Variants in POLRMT observed in about 807,000 individuals in gnomAD.
POLRMT encodes the protein RNA polymerase mitochondrial, also known as DNA-directed RNA polymerase, mitochondrial.
Under a neutral mutation model 132.2 loss-of-function variants are expected in POLRMT, and 114 were observed. The observed-to-expected ratio is 0.86, with a 90% CI of 0.74 to 1.01. The LOEUF (loss-of-function observed/expected upper bound fraction) is 1.01. POLRMT is among the 50% of genes least tolerant of loss of function. POLRMT has a pLI of 0.00. For synonymous variants in POLRMT, 1,020 were observed against 773.4 expected (o/e 1.32, Z -5.29); for missense variants, 2,003 against 1,729.1 (o/e 1.16, Z -2.81).
chr19:618,864 C>A, intron 15 of POLRMT, 104 bp from the exon 16 acceptor site: 1 of 1,414,812 alleles, frequency 7.1e-7, no homozygotes, highest in South Asian at 1.2e-5. Context: ...GATGGTGGCA[C>A]ACTGGCGCGG....
At position 621,148 on chromosome 19, in the gene POLRMT, C is replaced by T. The variant is rs143192895; in HGVS notation, c.2550G>A (p.Gly850=). Reference sequence around the variant, plus strand: ...TCCGCAGCGGCTCCCGCTTCTTCAACCCCGTGAGATTGACCAGGTGGATCT... The same window carrying T: ...TCCGCAGCGGCTCCCGCTTCTTCAATCCCGTGAGATTGACCAGGTGGATCT... ...WLKIHLVNLT[G]LKKREPLRKR... is the part of the protein sequence containing the mutation. The change falls in exon 10 of 21, where the codon GGG becomes GGA. Residue 850 remains glycine (G), a synonymous_variant. Coordinates refer to ENST00000588649, the MANE Select transcript of POLRMT (RefSeq NM_005035.4). 4,909 of 1,611,056 alleles carry T rather than the reference C, an allele frequency of 3.0e-3. 16 individuals carry two copies. The highest frequency in any genetic ancestry group is 6.2e-3 in the Middle Eastern group (37 of 6,010).
rs769401222 is a variant in POLRMT at position 630,027 on chromosome 19, T to C, written c.335A>G (p.Lys112Arg). 3.7e-6 allele frequency: 6 copies of C among 1,613,768 alleles called. No individual in the cohort carries two copies. Among genetic ancestry groups the C allele is most frequent in the East Asian group, 2.2e-5 (1 of 44,894 alleles). The change falls in exon 3 of 21, where the codon AAG (lysine) becomes AGG (arginine). Residue 112 changes from lysine to arginine, a missense_variant. Coordinates refer to ENST00000588649, the MANE Select transcript of POLRMT (RefSeq NM_005035.4). The part of the protein sequence containing the change: ...QPPRKVQMGA[K>R]DATPVPCGRW... ...GCCACAGGGCACCGGGGTGGCATCC[T>C]TGGCCCCCATCTGGACCTTCCTGGG...
In POLRMT at chr19:617,554, TCAGG is replaced by T; in HGVS notation, c.3581+12_3581+15del. 1 of 1,610,838 alleles carries T rather than the reference TCAGG, an allele frequency of 6.2e-7. No individual in the cohort carries two copies. The highest frequency in any genetic ancestry group is 8.5e-7 in the Non-Finnish European group (1 of 1,179,748). ...GGGGGGGGAATCCAGGTAGTTGGGGTCAGGGAGCGCCTTACTCAGAGCAGAACCG... is the reference window on the plus strand; with the variant it reads ...GGGGGGGGAATCCAGGTAGTTGGGGTGAGCGCCTTACTCAGAGCAGAACCG... On this transcript the variant is annotated intron_variant, in intron 19 of 20. Coordinates refer to ENST00000588649, the MANE Select transcript of POLRMT (RefSeq NM_005035.4).
chr19:622,850 C>T lies in POLRMT; in HGVS notation c.1426G>A (p.Glu476Lys). ...SLYPFLCLLDEREVVRMLLQV... is the reference protein window; with the variant it reads ...SLYPFLCLLDKREVVRMLLQV... ...AGGAGCATCCGCACCACCTCGCGCTCGTCCAGCAGGCACAGGAAGGGGTAA... is the reference window on the plus strand; with the variant it reads ...AGGAGCATCCGCACCACCTCGCGCTTGTCCAGCAGGCACAGGAAGGGGTAA... The change falls in exon 7 of 21, where the codon GAG (glutamate) becomes AAG (lysine). Residue 476 changes from glutamate to lysine, a missense_variant. Glu to Lys is a moderately conservative substitution (Grantham distance 56). Coordinates refer to ENST00000588649, the MANE Select transcript of POLRMT (RefSeq NM_005035.4). 6.2e-7 allele frequency: 1 copy of T among 1,603,070 alleles called. No homozygotes were observed. The highest frequency in any genetic ancestry group is 8.5e-7 in the Non-Finnish European group (1 of 1,174,938).
At position 619,219 on chromosome 19, in the gene POLRMT, C is replaced by G. The variant is rs1984291503; in HGVS notation, c.3144G>C (p.Arg1048=). 6.2e-7 allele frequency: 1 copy of G among 1,610,986 alleles called. No homozygotes were observed. Among genetic ancestry groups the G allele is most frequent in the Non-Finnish European group, 8.5e-7 (1 of 1,179,540 alleles). The change falls in exon 14 of 21, where the codon CGG becomes CGC. Residue 1048 remains arginine, a synonymous_variant. Coordinates refer to ENST00000588649, the MANE Select transcript of POLRMT (RefSeq NM_005035.4). ...ACAGGACAGGACGTACCTGGATGGCCCGGGTCCCCGAGAACATCTCCTGTA... is the reference window on the plus strand; with the variant it reads ...ACAGGACAGGACGTACCTGGATGGCGCGGGTCCCCGAGAACATCTCCTGTA... ...KSLQEMFSGT[R]AIQHWLTESA...
At position 621,515 on chromosome 19, in the gene POLRMT, T is replaced by G. The variant is rs912033372; in HGVS notation, c.2183A>C (p.Gln728Pro). ...GGAGGGCGGGGCCGGCACGCCTAGC[T>G]GGGGGCAGCCCTTGGCCTGGAAGAG... ...LQLFQAKGCPQLGVPAPPSEA... is the reference protein window; with the variant it reads ...LQLFQAKGCPPLGVPAPPSEA... Residue 728 changes from glutamine (Q) to proline (P), a missense_variant, in exon 10 of 21, where the codon CAG (glutamine) becomes CCG (proline). Gln to Pro is a moderately conservative substitution (Grantham distance 76). Coordinates refer to ENST00000588649, the MANE Select transcript of POLRMT (RefSeq NM_005035.4). The G allele has an allele frequency of 1.4e-6, 2 of 1,386,006 alleles. No homozygotes were observed. The highest frequency in any genetic ancestry group is 3.1e-5 in the African/African-American group (2 of 65,136). 85.9% of individuals were successfully genotyped at this position (1,386,006 alleles called of 1,614,324 possible).
rs776393262 is a variant in POLRMT, at chr19:618,793, C to A, written c.3268-33G>T. The A allele has an allele frequency of 3.7e-4, 587 of 1,567,606 alleles. 4 individuals are homozygous for A. Among genetic ancestry groups the A allele is most frequent in the Non-Finnish European group, 1.2e-4 (143 of 1,156,670 alleles). On this transcript the variant is annotated intron_variant, in intron 15 of 20. Coordinates refer to ENST00000588649, the MANE Select transcript of POLRMT (RefSeq NM_005035.4). ...GGGGAAGGGGCCGGTGAGTCCCACCCGAGGCCCAGCACGGTGGTGGTACAT... is the reference window on the plus strand; with the variant it reads ...GGGGAAGGGGCCGGTGAGTCCCACCAGAGGCCCAGCACGGTGGTGGTACAT...
intron 11 of POLRMT, 38 bp from the exon 12 acceptor site, chr19:620,118 G>A (rs1984397375): frequency 3.3e-6 from 5 of 1,533,574 alleles, no homozygotes; most frequent in Admixed American, 3.9e-5. Context: ...GGAAGCTAGA[G>A]AGGCAGAGAC....
intron 3 of POLRMT, among the ~76,000 whole-genome samples, chr19:626,708 A>AAAAAAAAG (rs1985042373): frequency 6.7e-6 from 1 of 149,136 alleles, no homozygotes; most frequent in African/African-American, 2.5e-5. Context: ...AAAAAAAAAA[A>AAAAAAAAG]AAATTAGCTG....
chr19:630,863 G>A (rs747592031), intron 2 of POLRMT, among the ~76,000 whole-genome samples: 1 of 152,176 alleles, frequency 6.6e-6, no homozygotes. Flanking sequence ...AGCCTTGTTG[G>A]AAATCTATTG....
intron 11 of POLRMT, 65 bp from the exon 12 acceptor site, chr19:620,145 C>A (rs912438022): frequency 1.3e-6 from 2 of 1,524,736 alleles, no homozygotes; most frequent in Non-Finnish European, 1.8e-6. Context: ...GACCCCAAAC[C>A]ACCCCCCAGG....
At chr19:623,413 C>T in intron 6 of POLRMT, 41 bp downstream of exon 6, 1 of 1,598,864 alleles carries the variant, frequency 6.3e-7, no homozygotes, top group African/African-American at 1.3e-5. Context: ...GACCCCGGCT[C>T]AGCCCCTGCG....
chr19:624,806 C>T lies in POLRMT; in HGVS notation c.1053G>A (p.Val351=), dbSNP rs751207676. The T allele has an allele frequency of 6.2e-7, 1 of 1,613,486 alleles. No individual in the cohort carries two copies. Among genetic ancestry groups the T allele is most frequent in the East Asian group, 2.2e-5 (1 of 44,892 alleles). ...EEDRATVLKA[V]HKVKPTFSLP... is the part of the protein sequence containing the mutation. ...GGCTGAAGGTGGGCTTCACCTTGTG[C>T]ACGGCCTTCAGAACAGTGGCCCGAT... The change falls in exon 5 of 21, where the codon GTG becomes GTA. Residue 351 remains valine, a synonymous_variant. Transcript: ENST00000588649.
chr19:628,057 CG>C (rs1162958375), intron 3 of POLRMT, among the ~76,000 whole-genome samples: 1 of 151,980 alleles, frequency 6.6e-6, no homozygotes. Context: ...CCCAGCTGCT[CG>C]GGAGGCTGAG....
In POLRMT at chr19:619,955, T is replaced by C. The variant is rs1984374877; in HGVS notation, c.2886+3A>G. 6.2e-7 allele frequency: 1 copy of C among 1,602,046 alleles called. No individual in the cohort carries two copies. Among genetic ancestry groups the C allele is most frequent in the Admixed American group, 1.7e-5 (1 of 59,560 alleles). On this transcript the variant is annotated splice_donor_region_variant and intron_variant, in intron 12 of 20. Transcript: ENST00000588649. The stretch of plus-strand genomic sequence containing the variant: ...TGCCCCCGGGCAGCAGGGCACACCC[T>C]ACCTGCGCGGCCACGCCGCTGTACA...
intron 17 of POLRMT, chr19:618,125 C>T (rs1984157396): frequency 1.8e-6 from 1 of 568,484 alleles, no homozygotes; most frequent in Non-Finnish European, 3.2e-6. Context: ...TACGAGGTCC[C>T]CTCCTGCCAG....
chr19:619,903 A>C, intron 12 of POLRMT, 55 bp downstream of exon 12: 1 of 1,596,014 alleles, frequency 6.3e-7, no homozygotes, highest in Non-Finnish European at 8.5e-7. Flanking sequence ...GCCGAGACTC[A>C]GGGCTCACAT....
At chr19:628,872 C>T (rs1214361252) in intron 3 of POLRMT, among the ~76,000 whole-genome samples, 1 of 151,994 alleles carries the variant, frequency 6.6e-6, no homozygotes, top group East Asian at 1.9e-4. Flanking sequence ...GGGGTGGTGG[C>T]GGGCACCTGT....
intron 1 of POLRMT, 190 bp from the exon 2 acceptor site, chr19:633,128 G>C (rs934640776): frequency 3.3e-6 from 2 of 608,962 alleles, no homozygotes; most frequent in Non-Finnish European, 5.4e-6. Context: ...ACACGGGCGC[G>C]GAACCGCCGA....
Sources: gnomAD v4.1 joint callset for allele counts (sites outside exome capture counted in the v4.1 genomes callset) on GRCh38, gnomAD v4.1.1 for gene constraint, MANE v1.5 for transcripts, NCBI Gene and HGNC (gene_info 2026-07-23, HGNC 2026-07-21) for gene names.